SH3RF1: variants seen among roughly 807,000 people sequenced by gnomAD.
The protein encoded by SH3RF1 is SH3 domain containing ring finger 1, also known as E3 ubiquitin-protein ligase SH3RF1.
Under a neutral mutation model 74.0 loss-of-function variants are expected in SH3RF1, and 32 were observed. That is an observed-to-expected ratio of 0.43 (90% CI 0.33 to 0.58). The LOEUF (loss-of-function observed/expected upper bound fraction) is 0.58, where lower values mean the gene tolerates loss of function less well. Among genes scored for constraint, SH3RF1 ranks in the 20% least tolerant of loss-of-function variants. The pLI is 0.05. For missense variants in SH3RF1, 954 were observed against 1,130.9 expected (o/e 0.84, Z 2.24); for synonymous variants, 396 against 439.6 (o/e 0.90, Z 1.24).
At chr4:169,179,278 C>T (rs182360516) in intron 2 of SH3RF1, among the ~76,000 whole-genome samples, 15 of 152,270 alleles carry the variant, frequency 9.9e-5, no homozygotes, top group African/African-American at 3.6e-4. Context: ...ATTTCTTCTA[C>T]ATAAAAATGT....
rs1236842406 is a variant in SH3RF1, at chr4:169,146,155, AAAT to A, written c.765+9322_765+9324del. ...ATTATATATCTATATATTCTATATA[AAAT>A]ATTATATATCTATATATTATATATT... On this transcript the variant is annotated intron_variant, in intron 4 of 11. Coordinates refer to ENST00000284637, the MANE Select transcript of SH3RF1 (RefSeq NM_020870.4). 7.7e-5 allele frequency among the ~76,000 whole-genome samples: 11 copies of A among 142,328 alleles called. 2 individuals are homozygous for A. The South Asian group carries it at 1.3e-3, about 17-fold the overall frequency. 93.4% of individuals were successfully genotyped at this position (142,328 alleles called of 152,430 possible). A position where few individuals can be genotyped will look rare whatever the true frequency, so the allele number is the denominator to read the frequency against.
intron 11 of SH3RF1, among the ~76,000 whole-genome samples, chr4:169,102,397 T>C (rs1011834449): frequency 6.6e-6 from 1 of 151,640 alleles, no homozygotes; most frequent in Non-Finnish European, 1.5e-5. Context: ...ATACATAGAT[T>C]TTTTTTTTTC....
chr4:169,252,798 C>T (rs1731127381), intron 2 of SH3RF1, among the ~76,000 whole-genome samples: 1 of 152,154 alleles, frequency 6.6e-6, no homozygotes, highest in Non-Finnish European at 1.5e-5. Flanking sequence ...TAAATTTCAA[C>T]ATATATCACT....
chr4:169,170,069 T>TA (rs908535469), intron 2 of SH3RF1, among the ~76,000 whole-genome samples: 269 of 140,742 alleles, frequency 1.9e-3, no homozygotes, highest in Admixed American at 2.8e-3. Context: ...GAGGCTTCCT[T>TA]AAAAAAAAAA....
chr4:169,167,488 C>A (rs993918601), intron 2 of SH3RF1, among the ~76,000 whole-genome samples: 17 of 152,048 alleles, frequency 1.1e-4, no homozygotes, highest in Admixed American at 9.2e-4. Context: ...CAGATTTGTA[C>A]AAAAATGCAC....
chr4:169,142,235 C>T (rs969210478), intron 4 of SH3RF1, among the ~76,000 whole-genome samples: 3 of 152,012 alleles, frequency 2.0e-5, no homozygotes, highest in Non-Finnish European at 2.9e-5. Flanking sequence ...GCATTACAGG[C>T]GTGAGCGATT....
At chr4:169,196,107 G>A (rs957723456) in intron 2 of SH3RF1, among the ~76,000 whole-genome samples, 5 of 152,102 alleles carry the variant, frequency 3.3e-5, no homozygotes, top group African/African-American at 9.7e-5. Flanking sequence ...GAGCCACCAC[G>A]CCCAGCGAAC....
At chr4:169,232,888 T>C (rs17054842) in intron 2 of SH3RF1, among the ~76,000 whole-genome samples, 8,964 of 152,202 alleles carry the variant, frequency 0.059, 404 homozygotes, top group Admixed American at 0.15. Flanking sequence ...AATCTACTAG[T>C]CTACTGATCG....
intron 4 of SH3RF1, among the ~76,000 whole-genome samples, chr4:169,147,081 G>C (rs1262669920): frequency 6.6e-6 from 1 of 152,164 alleles, no homozygotes; most frequent in Non-Finnish European, 1.5e-5. Context: ...GCTGGGGAGA[G>C]AGACCAATGG....
chr4:169,112,787 GT>G (rs1733262916), intron 10 of SH3RF1, among the ~76,000 whole-genome samples: 1 of 152,208 alleles, frequency 6.6e-6, no homozygotes, highest in South Asian at 2.1e-4. Flanking sequence ...AAAAAATTTT[GT>G]AAGAGCTCTT....
At chr4:169,126,735 C>T (rs1475436120) in intron 6 of SH3RF1, among the ~76,000 whole-genome samples, 1 of 152,004 alleles carries the variant, frequency 6.6e-6, no homozygotes, top group Non-Finnish European at 1.5e-5. Flanking sequence ...AGGCATGCAC[C>T]ACCATGCCCA....
At position 169,136,498 on chromosome 4, in the gene SH3RF1, C is replaced by T. The variant is rs777549118; in HGVS notation, c.888G>A (p.Lys296=). ...SSTAPKHSDT[K]KNTKKRHSFT... is the part of the protein sequence containing the mutation. Reference sequence around the variant, plus strand: ...AGGAGTGCCGCTTTTTGGTGTTCTTCTTGGTGTCGGAGTGCTTTGGGGCAG... The same window carrying T: ...AGGAGTGCCGCTTTTTGGTGTTCTTTTTGGTGTCGGAGTGCTTTGGGGCAG... The change falls in exon 5 of 12, where the codon AAG becomes AAA. Residue 296 remains lysine, a synonymous_variant. Transcript: ENST00000284637. 3.7e-6 allele frequency: 6 copies of T among 1,613,692 alleles called. No individual in the cohort carries two copies. Among genetic ancestry groups the T allele is most frequent in the Non-Finnish European group, 5.1e-6 (6 of 1,179,942 alleles).
chr4:169,230,855 C>CA lies in SH3RF1; in HGVS notation c.393+37964dup, dbSNP rs35156191. ...TAGATGACAGAGTGAGAAACCACCT[C>CA]AAAAAAAAAAAAAAAAAAAAATTAC... is the stretch of plus-strand genomic sequence containing the variant. On this transcript the variant is annotated intron_variant, in intron 2 of 11. Transcript: ENST00000284637. Among the ~76,000 whole-genome samples the CA allele has an allele frequency of 8.9e-3, 1,088 of 122,084 alleles. 20 individuals carry two copies. The highest frequency in any genetic ancestry group is 0.031 in the African/African-American group (934 of 30,198). The allele number at this position is 122,084 out of a possible 152,430, so 80.1% of individuals were successfully genotyped here.
chr4:169,144,766 T>C (rs1206198584), intron 4 of SH3RF1, among the ~76,000 whole-genome samples: 1 of 152,124 alleles, frequency 6.6e-6, no homozygotes, highest in Admixed American at 6.5e-5. Flanking sequence ...AACTGATTTT[T>C]TTTTTTAAGG....
At chr4:169,152,500 G>A (rs1733991213) in intron 4 of SH3RF1, among the ~76,000 whole-genome samples, 1 of 152,212 alleles carries the variant, frequency 6.6e-6, no homozygotes, top group Non-Finnish European at 1.5e-5. Flanking sequence ...CACTTTGGGA[G>A]GCAGAGGCAG....
At chr4:169,142,081 G>T (rs1733796705) in intron 4 of SH3RF1, among the ~76,000 whole-genome samples, 1 of 152,032 alleles carries the variant, frequency 6.6e-6, no homozygotes, top group South Asian at 2.1e-4. Context: ...GCCTCCCAAA[G>T]TGCTGGGATT....
chr4:169,168,786 C>A (rs1227160838), intron 2 of SH3RF1, among the ~76,000 whole-genome samples: 1 of 152,306 alleles, frequency 6.6e-6, no homozygotes, highest in Non-Finnish European at 1.5e-5. Flanking sequence ...TCTATGATTT[C>A]TTTGGCAATC....
chr4:169,249,144 C>A (rs918298756), intron 2 of SH3RF1, among the ~76,000 whole-genome samples: 1 of 152,130 alleles, frequency 6.6e-6, no homozygotes, highest in Non-Finnish European at 1.5e-5. Context: ...AGGAGAATGG[C>A]GTGAACCCGG....
At position 169,218,288 on chromosome 4, in the gene SH3RF1, T is replaced by G. The variant is rs1022004050; in HGVS notation, c.393+50532A>C. 3.4e-4 allele frequency among the ~76,000 whole-genome samples: 45 copies of G among 131,160 alleles called. No homozygotes were observed. The South Asian group carries it at 9.1e-3, about 27-fold the overall frequency. The allele number at this position is 131,160 out of a possible 152,430, so 86.0% of individuals were successfully genotyped here. A position where few individuals can be genotyped will look rare whatever the true frequency, so the allele number is the denominator to read the frequency against. ...ATATAGAATATAAATATATAATATA[T>G]AATATATAATATAAATATAGAATAT... On this transcript the variant is annotated intron_variant, in intron 2 of 11. Transcript: ENST00000284637.
Sources: allele counts gnomAD v4.1 joint callset (sites outside exome capture counted in the v4.1 genomes callset), GRCh38; gene constraint gnomAD v4.1.1; transcripts MANE v1.5; gene names NCBI Gene and HGNC (gene_info 2026-07-23, HGNC 2026-07-21).